PTPRM: variants seen among roughly 807,000 people sequenced by gnomAD.
The protein encoded by PTPRM is protein tyrosine phosphatase receptor type M, also known as receptor-type tyrosine-protein phosphatase mu.
A neutral mutation model predicts 186.7 loss-of-function variants in PTPRM; 47 were observed. The observed-to-expected ratio is 0.25, with a 90% CI of 0.20 to 0.32. The LOEUF (loss-of-function observed/expected upper bound fraction) is 0.32, where lower values mean the gene tolerates loss of function less well. Ranked by LOEUF, PTPRM falls within the 10% of genes least tolerant of loss-of-function variation. PTPRM has a pLI of 1.00. For synonymous variants in PTPRM, 668 were observed against 674.9 expected (o/e 0.99, Z 0.16); for missense variants, 1,494 against 1,865.0 (o/e 0.80, Z 3.66).
At chr18:7,992,113 CCT>C (rs569658368) in intron 7 of PTPRM, among the ~76,000 whole-genome samples, 1 of 152,054 alleles carries the variant, frequency 6.6e-6, no homozygotes, top group Non-Finnish European at 1.5e-5. Flanking sequence ...AGTACCGTGC[CCT>C]GAGTGGGTAG....
At chr18:8,273,766 A>G (rs2094800911) in intron 19 of PTPRM, among the ~76,000 whole-genome samples, 1 of 152,224 alleles carries the variant, frequency 6.6e-6, no homozygotes, top group African/African-American at 2.4e-5. Flanking sequence ...TTTAGAAACA[A>G]TACGACTTGT....
At chr18:8,069,651 C>G in intron 7 of PTPRM, 35 bp from the exon 8 acceptor site, 1 of 1,542,404 alleles carries the variant, frequency 6.5e-7, no homozygotes. Context: ...TCTTTCTTCT[C>G]TCTCATGTTT....
chr18:7,631,331 A>G (rs1054424458), intron 1 of PTPRM, among the ~76,000 whole-genome samples: 2 of 152,136 alleles, frequency 1.3e-5, no homozygotes, highest in Non-Finnish European at 2.9e-5. Flanking sequence ...TCCTTTCTTA[A>G]AGAATCAATA....
chr18:8,088,011 T>C (rs1391400407), intron 10 of PTPRM, among the ~76,000 whole-genome samples: 2 of 152,160 alleles, frequency 1.3e-5, no homozygotes, highest in South Asian at 2.1e-4. Context: ...AGGATTTACA[T>C]TGGGAGGAGA....
chr18:8,172,207 G>GA (rs1340683761), intron 14 of PTPRM, among the ~76,000 whole-genome samples: 1 of 151,068 alleles, frequency 6.6e-6, no homozygotes, highest in African/African-American at 2.4e-5. Flanking sequence ...CGGAAGGTGA[G>GA]AAAGGTGGCA....
chr18:7,834,489 T>TACACACACAC (rs1555613378), intron 2 of PTPRM, among the ~76,000 whole-genome samples: 7 of 3,798 alleles, frequency 1.8e-3, no homozygotes, highest in South Asian at 0.013. Context: ...AATATACAAG[T>TACACACACAC]ATACACACAC....
intron 20 of PTPRM, among the ~76,000 whole-genome samples, chr18:8,305,074 T>A (rs2095207019): frequency 6.6e-6 from 1 of 152,214 alleles, no homozygotes; most frequent in Admixed American, 6.5e-5. Context: ...ACATGCTGCC[T>A]TGTAGCCTGC....
At chr18:8,249,029 G>A (rs184487251) in intron 17 of PTPRM, among the ~76,000 whole-genome samples, 37 of 152,318 alleles carry the variant, frequency 2.4e-4, no homozygotes, top group Non-Finnish European at 1.5e-4. Flanking sequence ...AATAACCTGA[G>A]TGTATCACGG....
intron 19 of PTPRM, among the ~76,000 whole-genome samples, chr18:8,253,762 G>A (rs960796187): frequency 3.9e-5 from 6 of 152,140 alleles, no homozygotes; most frequent in East Asian, 1.9e-4. Flanking sequence ...TATTTTATCC[G>A]TGGATCCACT....
At chr18:7,589,937 T>C (rs2037080220) in intron 1 of PTPRM, among the ~76,000 whole-genome samples, 1 of 152,234 alleles carries the variant, frequency 6.6e-6, no homozygotes, top group African/African-American at 2.4e-5. Context: ...TAACACGTGC[T>C]GCATGTCATC....
At chr18:8,037,853 G>T (rs2086431983) in intron 7 of PTPRM, among the ~76,000 whole-genome samples, 1 of 152,120 alleles carries the variant, frequency 6.6e-6, no homozygotes, top group South Asian at 2.1e-4. Flanking sequence ...AGGGTGCAGA[G>T]GTGCGAGCCA....
chr18:7,955,877 G>A (rs1026953600), intron 7 of PTPRM, among the ~76,000 whole-genome samples: 22 of 152,148 alleles, frequency 1.4e-4, no homozygotes, highest in African/African-American at 5.1e-4. Context: ...TTAATGGAGG[G>A]TCTGCTGGCG....
chr18:7,648,982 T>C lies in PTPRM; in HGVS notation c.73+81091T>C, dbSNP rs139042562. Among the ~76,000 whole-genome samples, 383 of 152,322 alleles carry C rather than the reference T, an allele frequency of 2.5e-3. 13 individuals carry two copies. The highest frequency in any genetic ancestry group is 0.022 in the Admixed American group (341 of 15,286). Reference sequence around the variant, plus strand: ...TAAGTTGAGAGGAGAAGTCAATTCCTGGCTTCAAGGAGAGGCCAACTCTCT... The same window carrying C: ...TAAGTTGAGAGGAGAAGTCAATTCCCGGCTTCAAGGAGAGGCCAACTCTCT... On this transcript the variant is annotated intron_variant, in intron 1 of 32. Transcript: ENST00000580170.
intron 1 of PTPRM, among the ~76,000 whole-genome samples, chr18:7,660,305 C>T (rs1298786518): frequency 6.6e-6 from 1 of 151,574 alleles, no homozygotes; most frequent in African/African-American, 2.4e-5. Context: ...CACTGCATTC[C>T]AGCCTGGGTG....
At chr18:7,694,230 A>G in intron 1 of PTPRM, among the ~76,000 whole-genome samples, 1 of 151,924 alleles carries the variant, frequency 6.6e-6, no homozygotes, top group East Asian at 1.9e-4. Context: ...GGAGGAGGGG[A>G]GTGTGTTAGT....
intron 2 of PTPRM, among the ~76,000 whole-genome samples, chr18:7,853,149 C>A (rs1341575964): frequency 6.6e-6 from 1 of 152,188 alleles, no homozygotes; most frequent in African/African-American, 2.4e-5. Context: ...TCAGAAAGAA[C>A]AGATAATGTT....
intron 3 of PTPRM, 97 bp downstream of exon 3, chr18:7,888,474 A>T: frequency 7.3e-7 from 1 of 1,373,606 alleles, no homozygotes; most frequent in Non-Finnish European, 9.7e-7. Flanking sequence ...AGGTTGTTGT[A>T]TTTTTGTTGG....
intron 2 of PTPRM, among the ~76,000 whole-genome samples, chr18:7,808,953 AT>A (rs1280208791): frequency 3.9e-5 from 6 of 152,316 alleles, no homozygotes; most frequent in Admixed American, 3.3e-4. Flanking sequence ...AGACTTCCAG[AT>A]TTTAACAACA....
intron 23 of PTPRM, among the ~76,000 whole-genome samples, chr18:8,354,476 C>T (rs2095553203): frequency 6.6e-6 from 1 of 152,156 alleles, no homozygotes; most frequent in Non-Finnish European, 1.5e-5. Context: ...TCACGAGCTA[C>T]AGAAAGGCCA....
Sources: gnomAD v4.1 joint callset for allele counts (sites outside exome capture counted in the v4.1 genomes callset) on GRCh38, gnomAD v4.1.1 for gene constraint, MANE v1.5 for transcripts, NCBI Gene and HGNC (gene_info 2026-07-23, HGNC 2026-07-21) for gene names.